The following MGLL variants were observed in gnomAD, a reference collection of about 807,000 sequenced individuals.
MGLL encodes monoglyceride lipase.
A neutral mutation model predicts 29.1 loss-of-function variants in MGLL; 7 were observed. The ratio of observed to expected loss-of-function variants is 0.24; its 90% CI spans 0.14 to 0.45. The LOEUF is 0.45. Ranked by LOEUF, MGLL falls within the 20% of genes least tolerant of loss-of-function variation. The pLI is 0.99. For synonymous variants in MGLL, 148 were observed against 168.3 expected (o/e 0.88, Z 0.93); for missense variants, 356 against 413.6 (o/e 0.86, Z 1.21).
intron 2 of MGLL, among the ~76,000 whole-genome samples, chr3:127,796,303 T>C (rs1235082973): frequency 6.6e-6 from 1 of 152,222 alleles, no homozygotes; most frequent in African/African-American, 2.4e-5. Flanking sequence ...TCTTCCTACA[T>C]TGGGCCTCGG....
At chr3:127,796,751 G>A (rs1559976377) in intron 2 of MGLL, among the ~76,000 whole-genome samples, 1 of 152,156 alleles carries the variant, frequency 6.6e-6, no homozygotes, top group Non-Finnish European at 1.5e-5. Flanking sequence ...CCAGCGTAAG[G>A]ATAATTAAAT....
intron 3 of MGLL, among the ~76,000 whole-genome samples, chr3:127,766,571 G>A (rs566214835): frequency 6.6e-6 from 1 of 152,176 alleles, no homozygotes; most frequent in East Asian, 1.9e-4. Context: ...GCCAAGCAGG[G>A]GCACTCTTAT....
chr3:127,700,469 A>G (rs986109239), intron 6 of MGLL, among the ~76,000 whole-genome samples: 4 of 151,980 alleles, frequency 2.6e-5, no homozygotes, highest in African/African-American at 9.7e-5. Context: ...CCCTTCTCCC[A>G]TGCCTCACTT....
chr3:127,701,410 C>T (rs529619419), intron 6 of MGLL, among the ~76,000 whole-genome samples: 1 of 152,242 alleles, frequency 6.6e-6, no homozygotes, highest in South Asian at 2.1e-4. Flanking sequence ...CTGCTGTCAG[C>T]CCCCAGAGGG....
At chr3:127,743,615 A>T (rs2076387122) in intron 3 of MGLL, among the ~76,000 whole-genome samples, 1 of 145,938 alleles carries the variant, frequency 6.9e-6, no homozygotes, top group Admixed American at 6.9e-5. Context: ...AGCAGAGAGT[A>T]CTGGAACAAA....
At chr3:127,716,371 TCTTCCTGG>T (rs903696131) in intron 5 of MGLL, among the ~76,000 whole-genome samples, 2 of 151,756 alleles carry the variant, frequency 1.3e-5, no homozygotes, top group African/African-American at 4.8e-5. Context: ...TCCCTAACTC[TCTTCCTGG>T]CTTCTGGCCC....
intron 3 of MGLL, among the ~76,000 whole-genome samples, chr3:127,765,981 C>G (rs2076848599): frequency 6.6e-6 from 1 of 152,216 alleles, no homozygotes; most frequent in South Asian, 2.1e-4. Context: ...ACTCTGCTAG[C>G]AGCTAAGACA....
At chr3:127,700,523 C>T (rs1241179747) in intron 6 of MGLL, among the ~76,000 whole-genome samples, 1 of 152,224 alleles carries the variant, frequency 6.6e-6, no homozygotes, top group Non-Finnish European at 1.5e-5. Context: ...ATGTCTGCCC[C>T]ACGTGAGGGT....
intron 3 of MGLL, among the ~76,000 whole-genome samples, chr3:127,776,505 A>G (rs2077039217): frequency 6.6e-6 from 1 of 152,032 alleles, no homozygotes; most frequent in Admixed American, 6.5e-5. Context: ...CTCCGACAAG[A>G]CCCGGCCATC....
chr3:127,773,457 C>T (rs778802932), intron 3 of MGLL, among the ~76,000 whole-genome samples: 4 of 152,246 alleles, frequency 2.6e-5, no homozygotes, highest in African/African-American at 4.8e-5. Context: ...GTGTTGAGCA[C>T]ATGCTGGGTG....
intron 3 of MGLL, among the ~76,000 whole-genome samples, chr3:127,770,124 G>A (rs2076925008): frequency 6.6e-6 from 1 of 152,178 alleles, no homozygotes; most frequent in African/African-American, 2.4e-5. Context: ...CTGGGCTCAA[G>A]TGATCTTTCC....
At chr3:127,762,154 G>C (rs1461036288) in intron 3 of MGLL, among the ~76,000 whole-genome samples, 1 of 152,188 alleles carries the variant, frequency 6.6e-6, no homozygotes, top group African/African-American at 2.4e-5. Context: ...GTGGTTTATT[G>C]CTTCCACGTT....
At chr3:127,781,708 C>A in intron 3 of MGLL, 81 bp downstream of exon 3, 1 of 1,213,176 alleles carries the variant, frequency 8.2e-7, no homozygotes, top group Non-Finnish European at 1.2e-6. Context: ...GAGAAGGATG[C>A]TGGCAGTGAG....
intron 2 of MGLL, among the ~76,000 whole-genome samples, chr3:127,803,168 TG>T (rs1422514563): frequency 6.6e-6 from 1 of 152,116 alleles, no homozygotes; most frequent in Non-Finnish European, 1.5e-5. Context: ...TTAGTAGAGA[TG>T]GGGTTTTGCC....
chr3:127,771,204 C>T (rs1001645860), intron 3 of MGLL, among the ~76,000 whole-genome samples: 1 of 152,174 alleles, frequency 6.6e-6, no homozygotes, highest in Admixed American at 6.5e-5. Flanking sequence ...ATCCTGCCTC[C>T]TTGAAAGCCT....
At chr3:127,718,084 C>T (rs1425776224) in intron 5 of MGLL, among the ~76,000 whole-genome samples, 1 of 151,866 alleles carries the variant, frequency 6.6e-6, no homozygotes. Flanking sequence ...TGTTGAAAAC[C>T]AGCATCCACA....
At chr3:127,751,223 G>A (rs2107669616) in intron 3 of MGLL, among the ~76,000 whole-genome samples, 1 of 152,168 alleles carries the variant, frequency 6.6e-6, no homozygotes, top group Middle Eastern at 3.4e-3. Context: ...TGCAAAAATG[G>A]CTTCAACTCC....
chr3:127,774,242 A>G (rs1351887217), intron 3 of MGLL, among the ~76,000 whole-genome samples: 1 of 152,222 alleles, frequency 6.6e-6, no homozygotes, highest in African/African-American at 2.4e-5. Context: ...TCCCAGCTCT[A>G]GACTCCCTCT....
intron 3 of MGLL, chr3:127,736,362 G>A: frequency 4.1e-6 from 4 of 985,770 alleles, no homozygotes; most frequent in Non-Finnish European, 4.8e-6. Flanking sequence ...GGATCCCAGA[G>A]CTTCCAGAAA....
Sources: allele counts gnomAD v4.1 joint callset (sites outside exome capture counted in the v4.1 genomes callset), GRCh38; gene constraint gnomAD v4.1.1; transcripts MANE v1.5; gene names NCBI Gene and HGNC (gene_info 2026-07-23, HGNC 2026-07-21).